The following PTCHD1 variants were observed in gnomAD, a reference collection of about 807,000 sequenced individuals.
PTCHD1 encodes the protein patched domain containing 1.
A neutral mutation model predicts 34.6 loss-of-function variants in PTCHD1; 3 were observed. The observed-to-expected ratio is 0.09, with a 90% CI of 0.04 to 0.22. The LOEUF is 0.22. Among genes scored for constraint, PTCHD1 ranks in the 10% least tolerant of loss-of-function variants. The pLI is 1.00. For missense variants in PTCHD1, 504 were observed against 685.5 expected, an observed-to-expected ratio of 0.74 and a Z score of 2.96; for synonymous variants, 305 against 283.1, an observed-to-expected ratio of 1.08 and a Z score of -0.77.
intron 2 of PTCHD1, among the ~76,000 whole-genome samples, chrX:23,388,549 G>A (rs1922739758): frequency 8.9e-6 from 1 of 112,182 alleles, no homozygotes; most frequent in Admixed American, 9.4e-5. Context: ...AGAGTGGGTT[G>A]TGCGTGGTGG....
At chrX:23,363,526 G>A (rs766605022) in intron 1 of PTCHD1, among the ~76,000 whole-genome samples, 158 of 112,843 alleles carry the variant, frequency 1.4e-3, no homozygotes, top group Non-Finnish European at 2.7e-3. Context: ...GTATTTGGAC[G>A]GAAGTGTCCC....
At chrX:23,386,668 A>G (rs1394033167) in intron 2 of PTCHD1, among the ~76,000 whole-genome samples, 1 of 112,798 alleles carries the variant, frequency 8.9e-6, no homozygotes, top group Non-Finnish European at 1.9e-5. Context: ...TATAAACATG[A>G]GCTACTTAGT....
intron 2 of PTCHD1, among the ~76,000 whole-genome samples, chrX:23,383,151 T>C (rs768809721): frequency 2.7e-5 from 3 of 112,261 alleles, no homozygotes; most frequent in Admixed American, 9.4e-5. Context: ...TTTTCCTGTG[T>C]ATAACTTAAA....
rs1267136744 is a variant in PTCHD1 at position 23,370,929 on chromosome X, T to A, written c.352-8662T>A. Among the ~76,000 whole-genome samples the A allele has an allele frequency of 8.1e-5, 9 of 111,156 alleles. No individual in the cohort carries two copies. The East Asian group carries it at 2.5e-3, about 31-fold the overall frequency. ...ATCCTGCCCTGATACCACCAAACTG[T>A]CTCTTGGAAACCAAACAAAATTGTC... On this transcript the variant is annotated intron_variant, in intron 1 of 2. Coordinates refer to ENST00000379361, the MANE Select transcript of PTCHD1 (RefSeq NM_173495.3).
At chrX:23,381,277 C>T (rs960561703) in intron 2 of PTCHD1, among the ~76,000 whole-genome samples, 1 of 112,372 alleles carries the variant, frequency 8.9e-6, no homozygotes, top group Non-Finnish European at 1.9e-5. Context: ...GCCATAACAT[C>T]GGTTGCCCTG....
At chrX:23,361,950 T>A (rs1190715821) in intron 1 of PTCHD1, among the ~76,000 whole-genome samples, 1 of 112,502 alleles carries the variant, frequency 8.9e-6, no homozygotes, top group East Asian at 2.8e-4. Flanking sequence ...TTGGAAATTC[T>A]CTTGTTTCAG....
chrX:23,351,155 C>T, intron 1 of PTCHD1: 1 of 602,106 alleles, frequency 1.7e-6, no homozygotes, highest in Non-Finnish European at 2.7e-6. Flanking sequence ...CCTTTTGGAG[C>T]CATGAATACT....
intron 1 of PTCHD1, among the ~76,000 whole-genome samples, chrX:23,336,288 G>A (rs1159778332): frequency 9.0e-6 from 1 of 111,569 alleles, no homozygotes; most frequent in Non-Finnish European, 1.9e-5. Flanking sequence ...GGACTGTGGG[G>A]CTTGTTTACT....
At chrX:23,359,697 T>C (rs1455281403) in intron 1 of PTCHD1, among the ~76,000 whole-genome samples, 2 of 111,597 alleles carry the variant, frequency 1.8e-5, no homozygotes, top group South Asian at 3.8e-4. Flanking sequence ...TGAATAGGAG[T>C]GGTGAGAGAG....
At chrX:23,375,501 G>C (rs183617733) in intron 1 of PTCHD1, among the ~76,000 whole-genome samples, 1,384 of 110,203 alleles carry the variant, frequency 0.013, 28 homozygotes, top group African/African-American at 0.044. Flanking sequence ...CCGTGGTCTC[G>C]ATCTCCTGAC....
chrX:23,336,978 C>T (rs1040515843), intron 1 of PTCHD1, among the ~76,000 whole-genome samples: 1 of 111,098 alleles, frequency 9.0e-6, no homozygotes, highest in African/African-American at 3.3e-5. Flanking sequence ...CTTTCCCCCC[C>T]CACCCACAAA....
intron 1 of PTCHD1, among the ~76,000 whole-genome samples, chrX:23,345,747 C>T (rs1246092277): frequency 1.8e-5 from 2 of 111,574 alleles, no homozygotes; most frequent in Non-Finnish European, 3.8e-5. Context: ...AGGACTACTT[C>T]CAAAAATGCA....
intron 2 of PTCHD1, among the ~76,000 whole-genome samples, chrX:23,391,614 C>G (rs1174485865): frequency 9.0e-6 from 1 of 111,234 alleles, no homozygotes. Flanking sequence ...AATACACTGC[C>G]TCTTTATCAC....
chrX:23,352,925 C>A (rs752770119), intron 1 of PTCHD1, among the ~76,000 whole-genome samples: 2 of 111,893 alleles, frequency 1.8e-5, no homozygotes, highest in African/African-American at 6.5e-5. Context: ...TCTTAAAAGT[C>A]TGGGAAGCGC....
Position 23,344,882 on chromosome X carries a change from A to T in PTCHD1, c.351+9656A>T, listed in dbSNP as rs1921435003. Among the ~76,000 whole-genome samples, 5 of 111,837 alleles carry T rather than the reference A, an allele frequency of 4.5e-5. No homozygotes were observed. In the Admixed American group the frequency reaches 4.7e-4, roughly 11 times the overall value. On this transcript the variant is annotated intron_variant, in intron 1 of 2. Coordinates refer to ENST00000379361, the MANE Select transcript of PTCHD1 (RefSeq NM_173495.3). ...CATGCCAAAGAGGGATTCTCCAGTG[A>T]TTTAGGTGAGAACGTTGATCATTCT...
intron 1 of PTCHD1, among the ~76,000 whole-genome samples, chrX:23,369,021 G>A (rs1922214571): frequency 9.0e-6 from 1 of 111,708 alleles, no homozygotes; most frequent in Non-Finnish European, 1.9e-5. Context: ...TCGAGATCAT[G>A]CCATTGCACC....
chrX:23,394,325 G>T lies in PTCHD1; in HGVS notation c.*140G>T. 9.0e-6 allele frequency: 3 copies of T among 334,872 alleles called. No homozygotes were observed. Among genetic ancestry groups the T allele is most frequent in the Middle Eastern group, 8.9e-4 (1 of 1,124 alleles). The allele number at this position is 334,872 out of a possible 1,213,427, so 27.6% of individuals were successfully genotyped here. On this transcript the variant is annotated 3_prime_UTR_variant, in exon 3 of 3. Transcript: ENST00000379361. ...GCCAAAAAAAAAAAAAAAAAAAAAAGGAAAGGACAGTGGGGAGAAATGGGC... is the reference window on the plus strand; with the variant it reads ...GCCAAAAAAAAAAAAAAAAAAAAAATGAAAGGACAGTGGGGAGAAATGGGC...
chrX:23,394,891 G>A lies in PTCHD1; in HGVS notation c.*706G>A, dbSNP rs942753558. 8.8e-6 allele frequency: 1 copy of A among 113,072 alleles called. No individual in the cohort carries two copies. Among genetic ancestry groups the A allele is most frequent in the East Asian group, 2.8e-4 (1 of 3,603 alleles). 9.3% of individuals were successfully genotyped at this position (113,072 alleles called of 1,213,427 possible). ...CGCCATTGGTATGCCTTTAACATTT[G>A]TATAGTTTGGTTTGCTTAAAACACC... On this transcript the variant is annotated 3_prime_UTR_variant, in exon 3 of 3. Coordinates refer to ENST00000379361, the MANE Select transcript of PTCHD1 (RefSeq NM_173495.3).
intron 1 of PTCHD1, among the ~76,000 whole-genome samples, chrX:23,352,621 G>T (rs187154284): frequency 9.0e-6 from 1 of 111,369 alleles, no homozygotes; most frequent in Non-Finnish European, 1.9e-5. Flanking sequence ...TGTGACCTCC[G>T]AGGATCACAT....
Sources: gnomAD v4.1 joint callset for allele counts (sites outside exome capture counted in the v4.1 genomes callset) on GRCh38, gnomAD v4.1.1 for gene constraint, MANE v1.5 for transcripts, NCBI Gene and HGNC (gene_info 2026-07-23, HGNC 2026-07-21) for gene names.